LHFPL3: variants seen among roughly 807,000 people sequenced by gnomAD.
LHFPL3 encodes the protein LHFPL tetraspan subfamily member 3 protein.
LHFPL3 carries 5 observed loss-of-function variants against 19.3 expected under a neutral mutation model. The ratio of observed to expected loss-of-function variants is 0.26; its 90% CI spans 0.14 to 0.54. The LOEUF (loss-of-function observed/expected upper bound fraction) is 0.54, where lower values mean the gene tolerates loss of function less well. Ranked by LOEUF, LHFPL3 falls within the 20% of genes least tolerant of loss-of-function variation. The pLI is 0.94. For missense variants in LHFPL3, 249 were observed against 307.4 expected (o/e 0.81, Z 1.42); for synonymous variants, 133 against 126.2 (o/e 1.05, Z -0.36).
intron 1 of LHFPL3, among the ~76,000 whole-genome samples, chr7:104,522,571 T>C (rs1336876552): frequency 1.3e-5 from 2 of 152,038 alleles, no homozygotes; most frequent in East Asian, 3.9e-4. Flanking sequence ...TAGTGAGTGC[T>C]AGTATGTACA....
chr7:104,768,140 G>A (rs1584523487), intron 2 of LHFPL3, among the ~76,000 whole-genome samples: 1 of 132,350 alleles, frequency 7.6e-6, no homozygotes. Context: ...TTATTCTCGT[G>A]AAAAAAAAAA....
intron 1 of LHFPL3, among the ~76,000 whole-genome samples, chr7:104,649,095 G>A (rs1469227580): frequency 6.6e-6 from 1 of 152,186 alleles, no homozygotes; most frequent in African/African-American, 2.4e-5. Flanking sequence ...TCATGATCCA[G>A]GAGTTGAGAG....
At chr7:104,445,156 G>A (rs76523745) in intron 1 of LHFPL3, among the ~76,000 whole-genome samples, 1,644 of 152,292 alleles carry the variant, frequency 0.011, 15 homozygotes, top group Non-Finnish European at 0.018. Flanking sequence ...GCTAAGATGT[G>A]TATATGTGGT....
chr7:104,550,333 C>T (rs1213405520), intron 1 of LHFPL3, among the ~76,000 whole-genome samples: 1 of 151,888 alleles, frequency 6.6e-6, no homozygotes, highest in Admixed American at 6.6e-5. Context: ...TTAACCATCA[C>T]AGCAGTCATT....
At chr7:104,354,161 CTG>C (rs1473541386) in intron 1 of LHFPL3, among the ~76,000 whole-genome samples, 1 of 152,154 alleles carries the variant, frequency 6.6e-6, no homozygotes, top group African/African-American at 2.4e-5. Flanking sequence ...TATTTTTAAA[CTG>C]TTTCCACGCA....
chr7:104,705,470 C>T (rs1793174787), intron 1 of LHFPL3, among the ~76,000 whole-genome samples: 1 of 152,192 alleles, frequency 6.6e-6, no homozygotes, highest in African/African-American at 2.4e-5. Context: ...TGTATTCTAA[C>T]TGCATCTCCT....
At chr7:104,564,022 G>A (rs945569892) in intron 1 of LHFPL3, among the ~76,000 whole-genome samples, 1 of 152,042 alleles carries the variant, frequency 6.6e-6, no homozygotes. Context: ...TATGTGCCAG[G>A]CATTATGTTA....
intron 1 of LHFPL3, among the ~76,000 whole-genome samples, chr7:104,646,587 T>G (rs1180229701): frequency 6.6e-6 from 1 of 152,234 alleles, no homozygotes; most frequent in Non-Finnish European, 1.5e-5. Context: ...ACTGGGAAGA[T>G]TCTCCAAGTT....
At chr7:104,559,880 T>TACCTAATAA in intron 1 of LHFPL3, among the ~76,000 whole-genome samples, 1 of 142,956 alleles carries the variant, frequency 7.0e-6, no homozygotes, top group Non-Finnish European at 1.5e-5. Context: ...ATTGAGAGTT[T>TACCTAATAA]TTAGCATGAA....
intron 1 of LHFPL3, among the ~76,000 whole-genome samples, chr7:104,659,069 T>A (rs1277352586): frequency 1.3e-5 from 2 of 152,208 alleles, no homozygotes; most frequent in East Asian, 3.8e-4. Flanking sequence ...TGCCATGCAC[T>A]TACACAGTTC....
intron 1 of LHFPL3, among the ~76,000 whole-genome samples, chr7:104,366,811 T>G (rs1305830044): frequency 6.6e-6 from 1 of 152,106 alleles, no homozygotes; most frequent in African/African-American, 2.4e-5. Flanking sequence ...ATCGAGAAAA[T>G]GAAACAGAAA....
intron 1 of LHFPL3, among the ~76,000 whole-genome samples, chr7:104,333,961 T>C (rs1801615206): frequency 6.6e-6 from 1 of 152,236 alleles, no homozygotes; most frequent in Admixed American, 6.5e-5. Context: ...TTAATCTTCC[T>C]ATGCTTTAGT....
At chr7:104,714,389 G>T (rs561988865) in intron 1 of LHFPL3, among the ~76,000 whole-genome samples, 60 of 151,910 alleles carry the variant, frequency 3.9e-4, no homozygotes, top group African/African-American at 1.4e-3. Flanking sequence ...TCACCATCTG[G>T]ATAAATTGCT....
rs75315070 is a variant in LHFPL3 at position 104,386,820 on chromosome 7, C to T, written c.445+57596C>T. Among the ~76,000 whole-genome samples the T allele has an allele frequency of 4.2e-3, 638 of 152,166 alleles. 22 individuals are homozygous for T. In the East Asian group the frequency reaches 0.1, roughly 24 times the overall value. On this transcript the variant is annotated intron_variant, in intron 1 of 2. Coordinates refer to ENST00000424859, the MANE Select transcript of LHFPL3 (RefSeq NM_199000.3). ...TAGAATGCAGATTATTTCAAGAAAG[C>T]CACTAAATAAAAACAACAAAAACAC...
chr7:104,609,827 A>G lies in LHFPL3; in HGVS notation c.446-126848A>G, dbSNP rs1584437064. On this transcript the variant is annotated intron_variant, in intron 1 of 2. Coordinates refer to ENST00000424859, the MANE Select transcript of LHFPL3 (RefSeq NM_199000.3). ...AGAGGATAAAAAGAAAGAAGTGACT[A>G]TTCTGGGAAGACATGGTATTGCATT... Among the ~76,000 whole-genome samples, 6 of 152,354 alleles carry G rather than the reference A, an allele frequency of 3.9e-5. 1 individual carries two copies. The highest frequency in any genetic ancestry group is 1.2e-4 in the African/African-American group (5 of 41,586).
At chr7:104,853,904 T>C (rs1421648171) in intron 2 of LHFPL3, among the ~76,000 whole-genome samples, 2 of 152,122 alleles carry the variant, frequency 1.3e-5, no homozygotes, top group East Asian at 3.9e-4. Context: ...CTGTAGGTAA[T>C]TTCAATCTGA....
intron 1 of LHFPL3, among the ~76,000 whole-genome samples, chr7:104,541,338 C>G (rs973166817): frequency 6.6e-6 from 1 of 152,118 alleles, no homozygotes; most frequent in Middle Eastern, 3.2e-3. Flanking sequence ...GGGTCAAGGA[C>G]AGTGTGATTC....
At chr7:104,420,531 A>G (rs1169491542) in intron 1 of LHFPL3, among the ~76,000 whole-genome samples, 1 of 149,564 alleles carries the variant, frequency 6.7e-6, no homozygotes, top group East Asian at 2.0e-4. Context: ...GTACGTGGTT[A>G]CTGGTGGCCT....
At chr7:104,334,415 C>G (rs536015370) in intron 1 of LHFPL3, among the ~76,000 whole-genome samples, 1 of 152,160 alleles carries the variant, frequency 6.6e-6, no homozygotes, top group East Asian at 1.9e-4. Flanking sequence ...GGTATGGTGG[C>G]GTACACCTGT....
Sources: gnomAD v4.1 joint callset for allele counts (sites outside exome capture counted in the v4.1 genomes callset) on GRCh38, gnomAD v4.1.1 for gene constraint, MANE v1.5 for transcripts, NCBI Gene and HGNC (gene_info 2026-07-23, HGNC 2026-07-21) for gene names.